The following TBC1D22A variants were observed in gnomAD, a reference collection of about 807,000 sequenced individuals.
TBC1D22A encodes the protein TBC1 domain family member 22A.
A neutral mutation model predicts 60.2 loss-of-function variants in TBC1D22A; 38 were observed. The observed-to-expected ratio is 0.63, with a 90% CI of 0.49 to 0.83. The LOEUF (loss-of-function observed/expected upper bound fraction) is 0.83, where lower values mean the gene tolerates loss of function less well. Ranked by LOEUF, TBC1D22A falls within the 40% of genes least tolerant of loss-of-function variation. The pLI is 0.00. For synonymous variants in TBC1D22A, 302 were observed against 281.7 expected (o/e 1.07, Z -0.72); for missense variants, 628 against 701.0 (o/e 0.90, Z 1.18).
At chr22:46,960,291 T>G (rs1352913381) in intron 8 of TBC1D22A, among the ~76,000 whole-genome samples, 1 of 152,076 alleles carries the variant, frequency 6.6e-6, no homozygotes, top group Non-Finnish European at 1.5e-5. Context: ...GACGGAGTTT[T>G]TGCTCTGTTG....
intron 11 of TBC1D22A, among the ~76,000 whole-genome samples, chr22:47,100,663 C>G (rs142472134): frequency 3.3e-5 from 5 of 152,234 alleles, no homozygotes; most frequent in African/African-American, 7.2e-5. Context: ...CCACGTAAGA[C>G]GTGACTTGCT....
At chr22:46,948,080 C>T (rs1043165188) in intron 8 of TBC1D22A, among the ~76,000 whole-genome samples, 6 of 152,050 alleles carry the variant, frequency 3.9e-5, no homozygotes, top group Non-Finnish European at 7.4e-5. Flanking sequence ...CTTTGGAGGG[C>T]GGCAAGGACG....
Position 46,958,925 on chromosome 22 carries a change from A to G in TBC1D22A, c.1016-15365A>G, listed in dbSNP as rs2073350018. Reference sequence around the variant, plus strand: ...TTCATGAAATGCATGGAGACACAAGATGTTTTCACGACACAATACACCATG... The same window carrying G: ...TTCATGAAATGCATGGAGACACAAGGTGTTTTCACGACACAATACACCATG... On this transcript the variant is annotated intron_variant, in intron 8 of 12. Coordinates refer to ENST00000337137, the MANE Select transcript of TBC1D22A (RefSeq NM_014346.5). Among the ~76,000 whole-genome samples the G allele has an allele frequency of 2.0e-5, 3 of 152,286 alleles. No homozygotes were observed. The South Asian group carries it at 6.2e-4, about 32-fold the overall frequency.
chr22:46,785,173 G>A (rs1447671909), intron 1 of TBC1D22A, among the ~76,000 whole-genome samples: 1 of 152,186 alleles, frequency 6.6e-6, no homozygotes, highest in African/African-American at 2.4e-5. Context: ...TCTTCTCCAT[G>A]ATGTCTGGGG....
intron 10 of TBC1D22A, among the ~76,000 whole-genome samples, chr22:47,020,939 G>A (rs1220624006): frequency 6.6e-6 from 1 of 151,756 alleles, no homozygotes; most frequent in Non-Finnish European, 1.5e-5. Flanking sequence ...CTGAAGTAAG[G>A]GGCTGGCCAG....
intron 9 of TBC1D22A, among the ~76,000 whole-genome samples, chr22:46,994,998 G>A (rs930235599): frequency 6.6e-6 from 1 of 152,162 alleles, no homozygotes; most frequent in Non-Finnish European, 1.5e-5. Flanking sequence ...CTGTTGCTGC[G>A]GCTCCCTCTC....
chr22:47,170,102 G>A (rs1385122627), intron 12 of TBC1D22A, among the ~76,000 whole-genome samples: 1 of 152,192 alleles, frequency 6.6e-6, no homozygotes, highest in Non-Finnish European at 1.5e-5. Flanking sequence ...TTTTAAAAAA[G>A]AAATCTGTAT....
intron 4 of TBC1D22A, among the ~76,000 whole-genome samples, chr22:46,811,538 G>A (rs770139723): frequency 6.6e-6 from 1 of 152,228 alleles, no homozygotes; most frequent in Admixed American, 6.5e-5. Context: ...AGTGGAGTCT[G>A]AGTGGCGAGG....
intron 4 of TBC1D22A, among the ~76,000 whole-genome samples, chr22:46,828,544 G>GCT (rs888475435): frequency 6.6e-6 from 1 of 152,214 alleles, no homozygotes; most frequent in Non-Finnish European, 1.5e-5. Context: ...CTCCCGTCTG[G>GCT]CCCAAGGGCG....
chr22:46,948,297 C>T (rs971872318), intron 8 of TBC1D22A, among the ~76,000 whole-genome samples: 4 of 152,198 alleles, frequency 2.6e-5, no homozygotes, highest in African/African-American at 7.2e-5. Flanking sequence ...CTTTGTTCTA[C>T]GCCAGAGCAA....
chr22:47,004,182 CTATATA>C, intron 10 of TBC1D22A, among the ~76,000 whole-genome samples: 1 of 150,520 alleles, frequency 6.6e-6, no homozygotes, highest in African/African-American at 2.5e-5. Flanking sequence ...GCACACATGC[CTATATA>C]TATACTCCTC....
chr22:46,935,578 C>T (rs2071599850), intron 8 of TBC1D22A, among the ~76,000 whole-genome samples: 1 of 152,204 alleles, frequency 6.6e-6, no homozygotes, highest in Admixed American at 6.5e-5. Flanking sequence ...GACATTTCTC[C>T]CTGTGATTCC....
chr22:46,970,497 G>C (rs2074004443), intron 8 of TBC1D22A, among the ~76,000 whole-genome samples: 1 of 152,174 alleles, frequency 6.6e-6, no homozygotes, highest in Non-Finnish European at 1.5e-5. Flanking sequence ...CATGTTTTGG[G>C]AGATAAACCT....
intron 4 of TBC1D22A, among the ~76,000 whole-genome samples, chr22:46,875,429 G>A (rs910573267): frequency 6.6e-6 from 1 of 152,114 alleles, no homozygotes; most frequent in Non-Finnish European, 1.5e-5. Context: ...CATGTTCTGT[G>A]TCTTGTCTGA....
chr22:46,820,587 G>GAGAC (rs2085784568), intron 4 of TBC1D22A, among the ~76,000 whole-genome samples: 1 of 152,200 alleles, frequency 6.6e-6, no homozygotes, highest in Non-Finnish European at 1.5e-5. Flanking sequence ...ATTGCACTGT[G>GAGAC]GTCTGAGAGA....
At chr22:46,878,520 TTGA>T (rs2067685161) in intron 4 of TBC1D22A, 130 bp from the exon 5 acceptor site, 1 of 733,464 alleles carries the variant, frequency 1.4e-6, no homozygotes, top group Admixed American at 2.1e-5. Flanking sequence ...ATCTGAAATG[TTGA>T]TGATTTAGTT....
intron 8 of TBC1D22A, among the ~76,000 whole-genome samples, chr22:46,959,841 C>A (rs930593063): frequency 6.6e-6 from 1 of 152,188 alleles, no homozygotes; most frequent in African/African-American, 2.4e-5. Context: ...GACCTGCCAT[C>A]GGCATTTGCT....
intron 8 of TBC1D22A, among the ~76,000 whole-genome samples, chr22:46,918,973 C>T (rs995087744): frequency 3.9e-5 from 6 of 152,202 alleles, no homozygotes; most frequent in Admixed American, 6.5e-5. Context: ...TTACTTACTA[C>T]TGCTGTTTAA....
intron 4 of TBC1D22A, among the ~76,000 whole-genome samples, chr22:46,825,975 C>T (rs886881510): frequency 6.6e-5 from 10 of 151,760 alleles, no homozygotes; most frequent in African/African-American, 9.7e-5. Flanking sequence ...CTCCATCTCC[C>T]GGGTTCACGC....
Sources: allele counts gnomAD v4.1 joint callset (sites outside exome capture counted in the v4.1 genomes callset), GRCh38; gene constraint gnomAD v4.1.1; transcripts MANE v1.5; gene names NCBI Gene and HGNC (gene_info 2026-07-23, HGNC 2026-07-21).